The following GPR149 variants were observed in gnomAD, a reference collection of about 807,000 sequenced individuals.
GPR149 encodes probable G protein-coupled receptor 149.
A neutral mutation model predicts 50.2 loss-of-function variants in GPR149; 50 were observed. The observed-to-expected ratio is 1.00, with a 90% CI of 0.79 to 1.26. The LOEUF (loss-of-function observed/expected upper bound fraction) is 1.26, where lower values mean the gene tolerates loss of function less well. Ranked by LOEUF, GPR149 falls within the 50% of genes most tolerant of loss-of-function variation. GPR149 has a pLI of 0.00. For synonymous variants in GPR149, 405 were observed against 358.2 expected (o/e 1.13, Z -1.48); for missense variants, 983 against 895.4 (o/e 1.10, Z -1.25).
intron 3 of GPR149, chr3:154,353,159 A>G (rs1471800543): frequency 5.3e-6 from 8 of 1,516,306 alleles, no homozygotes; most frequent in Non-Finnish European, 6.4e-6. Context: ...AGAAAATAAT[A>G]GCCCTCCCTT....
At chr3:154,363,959 A>C (rs1183798736) in intron 3 of GPR149, among the ~76,000 whole-genome samples, 1 of 152,318 alleles carries the variant, frequency 6.6e-6, no homozygotes, top group Non-Finnish European at 1.5e-5. Flanking sequence ...TTGTGGGACA[A>C]GAACCTGGAA....
intron 3 of GPR149, among the ~76,000 whole-genome samples, chr3:154,411,296 G>A (rs1486936100): frequency 6.6e-6 from 1 of 151,656 alleles, no homozygotes; most frequent in Non-Finnish European, 1.5e-5. Flanking sequence ...GGTGAAACAA[G>A]AACAATTCAA....
chr3:154,429,281 T>C lies in GPR149; in HGVS notation c.335A>G (p.Tyr112Cys). Residue 112 changes from tyrosine (Y) to cysteine (C), a missense_variant, in exon 1 of 4, where the codon TAT becomes TGT. Coordinates refer to ENST00000389740, the MANE Select transcript of GPR149 (RefSeq NM_001038705.3). Reference protein sequence around the residue: ...QFLCTTSALMYLCQGLSSNLK... With the variant: ...QFLCTTSALMCLCQGLSSNLK... ...GTTGCTAGAGAGGCCCTGGCATAAA[T>C]ACATTAAGGCAGAGGTGGTGCACAG... 1 of 1,614,074 alleles carries C rather than the reference T, an allele frequency of 6.2e-7. No individual in the cohort carries two copies. Among genetic ancestry groups the C allele is most frequent in the Non-Finnish European group, 8.5e-7 (1 of 1,180,002 alleles).
At chr3:154,373,603 A>G (rs999312037) in intron 3 of GPR149, among the ~76,000 whole-genome samples, 9 of 152,228 alleles carry the variant, frequency 5.9e-5, no homozygotes, top group African/African-American at 1.9e-4. Context: ...GTTTTTGTTC[A>G]AGGAAATATG....
At position 154,336,769 on chromosome 3, in the gene GPR149, T is replaced by C. The variant is rs537593217; in HGVS notation, c.*930A>G. 1 of 152,278 alleles carries C rather than the reference T, an allele frequency of 6.6e-6. No individual in the cohort carries two copies. The highest frequency in any genetic ancestry group is 1.9e-4 in the East Asian group (1 of 5,186). The allele number at this position is 152,278 out of a possible 1,614,324, so 9.4% of individuals were successfully genotyped here. A position where few individuals can be genotyped will look rare whatever the true frequency, so the allele number is the denominator to read the frequency against. ...AGAATGACTAAGAAAGGTTGCCCAA[T>C]CCTCAGCTTTAAAAACAGATACTTT... On this transcript the variant is annotated 3_prime_UTR_variant, in exon 4 of 4. Transcript: ENST00000389740.
chr3:154,391,635 C>T (rs1253371133), intron 3 of GPR149, among the ~76,000 whole-genome samples: 1 of 151,568 alleles, frequency 6.6e-6, no homozygotes, highest in Non-Finnish European at 1.5e-5. Context: ...GGATTAAACT[C>T]CTCAATCAAA....
At position 154,421,330 on chromosome 3, in the gene GPR149, GTC is replaced by G. The variant is rs1399726563; in HGVS notation, c.1330_1331del (p.Asp444GlnfsTer3). The G allele has an allele frequency of 6.2e-7, 1 of 1,613,304 alleles. No individual in the cohort carries two copies. Among genetic ancestry groups the G allele is most frequent in the African/African-American group, 1.3e-5 (1 of 74,968 alleles). On this transcript the variant is annotated frameshift_variant, in exon 3 of 4. Transcript: ENST00000389740. LOFTEE classifies it high-confidence loss of function. ...ECETTKDPQR[D>X]NRNIFNAIKV... ...TTATAGCATTGAAGATGTTACGGTT[GTC>G]TCTCTGAGGGTCTTTTGTAGTTTCA...
intron 3 of GPR149, among the ~76,000 whole-genome samples, chr3:154,348,082 A>G (rs1397606907): frequency 2.6e-5 from 4 of 152,210 alleles, no homozygotes; most frequent in African/African-American, 9.6e-5. Context: ...GGAGTGCCTC[A>G]TACATAGTAA....
intron 3 of GPR149, among the ~76,000 whole-genome samples, chr3:154,364,879 C>A (rs73872832): frequency 0.011 from 1,728 of 152,290 alleles, 31 homozygotes; most frequent in African/African-American, 0.04. Context: ...AGTTTCAGGG[C>A]AGCCTTACTC....
chr3:154,383,669 A>T (rs1307462182), intron 3 of GPR149, among the ~76,000 whole-genome samples: 1 of 152,094 alleles, frequency 6.6e-6, no homozygotes, highest in East Asian at 1.9e-4. Context: ...AAACAGAGGT[A>T]CTATAGTCAT....
chr3:154,391,602 C>T (rs1042973584), intron 3 of GPR149, among the ~76,000 whole-genome samples: 1 of 151,378 alleles, frequency 6.6e-6, no homozygotes, highest in African/African-American at 2.4e-5. Flanking sequence ...AAAGGAAGTA[C>T]ATTAATTACT....
rs181198715 is a variant in GPR149 at position 154,377,910 on chromosome 3, T to C, written c.1624-39639A>G. 5.4e-3 allele frequency among the ~76,000 whole-genome samples: 826 copies of C among 152,280 alleles called. 3 individuals carry two copies. Among genetic ancestry groups the C allele is most frequent in the Non-Finnish European group, 8.1e-3 (548 of 68,032 alleles). On this transcript the variant is annotated intron_variant, in intron 3 of 3. Coordinates refer to ENST00000389740, the MANE Select transcript of GPR149 (RefSeq NM_001038705.3). ...AATCACTGACATGCCTCTGGTTATA[T>C]ATATTTAAATTTTATGGACATTTAT...
intron 3 of GPR149, among the ~76,000 whole-genome samples, chr3:154,386,319 C>T (rs1448909137): frequency 6.6e-6 from 1 of 152,182 alleles, no homozygotes; most frequent in Non-Finnish European, 1.5e-5. Context: ...AAGAGCTACA[C>T]ATCATTTCTA....
chr3:154,388,211 C>T (rs1490510133), intron 3 of GPR149, among the ~76,000 whole-genome samples: 3 of 151,866 alleles, frequency 2.0e-5, no homozygotes. Flanking sequence ...ATTTATAGTG[C>T]TTTTACATTT....
intron 3 of GPR149, among the ~76,000 whole-genome samples, chr3:154,363,919 T>C (rs1714472425): frequency 6.6e-6 from 1 of 152,230 alleles, no homozygotes; most frequent in Non-Finnish European, 1.5e-5. Context: ...TTACTCACTC[T>C]CCAGTGTTCA....
chr3:154,365,432 T>C (rs1394265396), intron 3 of GPR149, among the ~76,000 whole-genome samples: 1 of 152,238 alleles, frequency 6.6e-6, no homozygotes, highest in Admixed American at 6.5e-5. Flanking sequence ...CTATTCATAC[T>C]AATTTCCTTA....
At chr3:154,426,154 T>C (rs578239275) in intron 2 of GPR149, among the ~76,000 whole-genome samples, 2 of 152,336 alleles carry the variant, frequency 1.3e-5, no homozygotes, top group South Asian at 4.1e-4. Flanking sequence ...ACTGTTGTTC[T>C]GGATATTAAT....
At position 154,428,754 on chromosome 3, in the gene GPR149, AGG is replaced by A; in HGVS notation, c.860_861del (p.Ala287ValfsTer4). On this transcript the variant is annotated frameshift_variant, in exon 1 of 4. Transcript: ENST00000389740. LOFTEE classifies it high-confidence loss of function. The stretch of plus-strand genomic sequence containing the variant: ...AGAGTCCCCCGGTTCTCACGCCTGC[AGG>A]CTTCAGCCCCAGCGGCAGCGGGCGC... ...PGAPAAAGAE[A>X]CRRENRGTLY... 1 of 1,614,018 alleles carries A rather than the reference AGG, an allele frequency of 6.2e-7. No individual in the cohort carries two copies. Among genetic ancestry groups the A allele is most frequent in the Non-Finnish European group, 8.5e-7 (1 of 1,180,032 alleles).
intron 3 of GPR149, among the ~76,000 whole-genome samples, chr3:154,363,847 C>G (rs1430993697): frequency 6.6e-6 from 1 of 152,200 alleles, no homozygotes; most frequent in Non-Finnish European, 1.5e-5. Context: ...TGACAACCCA[C>G]TTTTGGGTCC....
Sources: allele counts gnomAD v4.1 joint callset (sites outside exome capture counted in the v4.1 genomes callset), GRCh38; gene constraint gnomAD v4.1.1; transcripts MANE v1.5; gene names NCBI Gene and HGNC (gene_info 2026-07-23, HGNC 2026-07-21).